COL25A1: variants seen among roughly 807,000 people sequenced by gnomAD.
The protein encoded by COL25A1 is collagen type XXV alpha 1 chain.
A neutral mutation model predicts 128.4 loss-of-function variants in COL25A1; 103 were observed. The observed-to-expected ratio is 0.80, with a 90% CI of 0.68 to 0.94. The LOEUF (loss-of-function observed/expected upper bound fraction) is 0.94, where lower values mean the gene tolerates loss of function less well. COL25A1 is among the 40% of genes least tolerant of loss of function. COL25A1 has a pLI of 0.00. For missense variants in COL25A1, 745 were observed against 840.0 expected (o/e 0.89, Z 1.40); for synonymous variants, 279 against 277.2 (o/e 1.01, Z -0.06).
intron 20 of COL25A1, among the ~76,000 whole-genome samples, chr4:108,863,953 T>C (rs1303167012): frequency 6.6e-6 from 1 of 152,148 alleles, no homozygotes; most frequent in African/African-American, 2.4e-5. Flanking sequence ...GACCGAGCCA[T>C]GCTACCGTCA....
In COL25A1 at chr4:108,876,219, AAGTT is replaced by A. The variant is rs1257261814; in HGVS notation, c.1021-7073_1021-7070del. On this transcript the variant is annotated intron_variant, in intron 19 of 37. Transcript: ENST00000399132. ...AGAACTTAAAGTATAAAAAAAAAAA[AAGTT>A]AGTGCCTAACTAAGGTGAGAGAGAA... Among the ~76,000 whole-genome samples the A allele has an allele frequency of 3.3e-5, 5 of 152,084 alleles. No individual in the cohort carries two copies. The East Asian group carries it at 5.8e-4, about 18-fold the overall frequency.
chr4:109,100,648 A>G (rs1436091750), intron 3 of COL25A1, among the ~76,000 whole-genome samples: 1 of 152,182 alleles, frequency 6.6e-6, no homozygotes, highest in East Asian at 1.9e-4. Context: ...ATACCTAAAG[A>G]ATAAAAATCT....
chr4:109,254,011 C>T (rs575190216), intron 3 of COL25A1, among the ~76,000 whole-genome samples: 34 of 151,294 alleles, frequency 2.2e-4, no homozygotes, highest in African/African-American at 7.8e-4. Context: ...GGCGCGAACC[C>T]AGGAGGCAGA....
intron 3 of COL25A1, among the ~76,000 whole-genome samples, chr4:109,115,043 T>C (rs1305023410): frequency 6.6e-6 from 1 of 152,034 alleles, no homozygotes; most frequent in Non-Finnish European, 1.5e-5. Context: ...AGGCATCAAG[T>C]GAAATACTTG....
intron 3 of COL25A1, among the ~76,000 whole-genome samples, chr4:109,121,001 A>C (rs1187480618): frequency 6.6e-6 from 1 of 152,088 alleles, no homozygotes; most frequent in Non-Finnish European, 1.5e-5. Context: ...AGGAATATTC[A>C]ATATTATCAA....
chr4:109,239,441 T>TATTA (rs1357770799), intron 3 of COL25A1, among the ~76,000 whole-genome samples: 3 of 147,722 alleles, frequency 2.0e-5, no homozygotes, highest in African/African-American at 4.9e-5. Flanking sequence ...TTTATTTATT[T>TATTA]ATATTGTATT....
intron 5 of COL25A1, among the ~76,000 whole-genome samples, chr4:109,015,775 G>A (rs534692636): frequency 6.6e-6 from 1 of 152,376 alleles, no homozygotes; most frequent in Non-Finnish European, 1.5e-5. Flanking sequence ...GTTTGGCAAT[G>A]CAAGTAAGCC....
chr4:108,815,518 G>C (rs1731164592), intron 37 of COL25A1, among the ~76,000 whole-genome samples: 1 of 152,118 alleles, frequency 6.6e-6, no homozygotes, highest in African/African-American at 2.4e-5. Context: ...TTGCATTTGT[G>C]TGTGTTGGGT....
chr4:109,190,434 G>A (rs1775507454), intron 3 of COL25A1, among the ~76,000 whole-genome samples: 1 of 152,118 alleles, frequency 6.6e-6, no homozygotes, highest in Non-Finnish European at 1.5e-5. Context: ...AGGAGAGGGT[G>A]AAAGGGAGGA....
intron 13 of COL25A1, among the ~76,000 whole-genome samples, chr4:108,911,802 GTT>G (rs61235488): frequency 1.6e-4 from 20 of 124,336 alleles, no homozygotes; most frequent in Admixed American, 1.7e-4. Context: ...TTGCTTCGCT[GTT>G]TTTTTTTTTT....
chr4:109,023,677 T>C (rs573171447), intron 5 of COL25A1, among the ~76,000 whole-genome samples: 5 of 152,192 alleles, frequency 3.3e-5, no homozygotes, highest in Non-Finnish European at 5.9e-5. Context: ...CTATTAGCAA[T>C]GGCTTTTGGA....
intron 3 of COL25A1, among the ~76,000 whole-genome samples, chr4:109,157,775 G>A (rs1257413186): frequency 6.6e-6 from 1 of 152,188 alleles, no homozygotes; most frequent in Non-Finnish European, 1.5e-5. Context: ...TCTTTTGCAA[G>A]TACAGCTCCC....
Position 108,918,207 on chromosome 4 carries a change from C to A in COL25A1, c.745G>T (p.Gly249Ter). Residue 249 changes from glycine to a stop codon, truncating the protein, a stop_gained, in exon 13 of 38, where the codon GGA (glycine) becomes TGA (stop). Coordinates refer to ENST00000399132, the MANE Select transcript of COL25A1 (RefSeq NM_198721.4). LOFTEE classifies it high-confidence loss of function. ...LGPPGQKGSI[G>*]APGIPGMNGQ... ...TTCATCCCTGGAATTCCAGGTGCTC[C>A]AATAGAACCCTAAAGAGACACATGA... The A allele has an allele frequency of 6.3e-7, 1 of 1,597,048 alleles. No homozygotes were observed. The highest frequency in any genetic ancestry group is 1.3e-5 in the African/African-American group (1 of 74,638).
chr4:109,165,392 A>G (rs1310828123), intron 3 of COL25A1, among the ~76,000 whole-genome samples: 1 of 152,168 alleles, frequency 6.6e-6, no homozygotes, highest in Non-Finnish European at 1.5e-5. Context: ...AGATCTTTAA[A>G]GGGAATTTTG....
chr4:109,124,032 T>G (rs941377682), intron 3 of COL25A1, among the ~76,000 whole-genome samples: 3 of 152,090 alleles, frequency 2.0e-5, no homozygotes, highest in Non-Finnish European at 4.4e-5. Context: ...GTATGTTTCA[T>G]TCACAAAAAA....
At chr4:108,909,863 C>T (rs1347386012) in intron 13 of COL25A1, among the ~76,000 whole-genome samples, 2 of 152,192 alleles carry the variant, frequency 1.3e-5, no homozygotes, top group African/African-American at 4.8e-5. Flanking sequence ...CTCTCCAGCC[C>T]TAGTTCTCTC....
At chr4:109,154,236 C>A (rs779206028) in intron 3 of COL25A1, among the ~76,000 whole-genome samples, 3 of 151,852 alleles carry the variant, frequency 2.0e-5, no homozygotes, top group East Asian at 1.9e-4. Context: ...ATTTTATATT[C>A]TAAATAATGA....
chr4:109,286,370 C>G (rs1173380628), intron 3 of COL25A1, among the ~76,000 whole-genome samples: 2 of 152,122 alleles, frequency 1.3e-5, no homozygotes, highest in African/African-American at 4.8e-5. Flanking sequence ...GAGGAAAGAA[C>G]AGCTTTGATA....
At chr4:109,044,981 C>T (rs1156844737) in intron 5 of COL25A1, among the ~76,000 whole-genome samples, 3 of 152,164 alleles carry the variant, frequency 2.0e-5, no homozygotes, top group Non-Finnish European at 4.4e-5. Flanking sequence ...AGTTTTCCTC[C>T]TCCTCTGCCG....
Sources: gnomAD v4.1 joint callset for allele counts (sites outside exome capture counted in the v4.1 genomes callset) on GRCh38, gnomAD v4.1.1 for gene constraint, MANE v1.5 for transcripts, NCBI Gene and HGNC (gene_info 2026-07-23, HGNC 2026-07-21) for gene names.